The following CFAP20DC variants were observed in gnomAD, a reference collection of about 807,000 sequenced individuals.
CFAP20DC encodes the protein protein CFAP20DC.
CFAP20DC carries 84 observed loss-of-function variants against 101.7 expected under a neutral mutation model. That is an observed-to-expected ratio of 0.83 (90% CI 0.69 to 0.99). The LOEUF (loss-of-function observed/expected upper bound fraction) is 0.99. Among genes scored for constraint, CFAP20DC ranks in the 50% least tolerant of loss-of-function variants. The pLI, the probability that CFAP20DC is intolerant of heterozygous loss-of-function variation, is 0.00. For missense variants in CFAP20DC, 1,007 were observed against 970.3 expected (o/e 1.04, Z -0.50); for synonymous variants, 359 against 351.2 (o/e 1.02, Z -0.25).
At chr3:58,815,916 T>C (rs1166430697) in intron 14 of CFAP20DC, among the ~76,000 whole-genome samples, 1 of 151,602 alleles carries the variant, frequency 6.6e-6, no homozygotes. Context: ...TTGCTGGGAC[T>C]GTAAACTAGT....
chr3:59,022,147 AT>A (rs2093814175), intron 4 of CFAP20DC, among the ~76,000 whole-genome samples: 1 of 152,054 alleles, frequency 6.6e-6, no homozygotes, highest in South Asian at 2.1e-4. Flanking sequence ...AAATAAATTC[AT>A]TTTTTAAAAG....
intron 4 of CFAP20DC, among the ~76,000 whole-genome samples, chr3:58,995,390 A>C (rs2108668022): frequency 6.9e-6 from 1 of 144,800 alleles, no homozygotes; most frequent in African/African-American, 2.5e-5. Flanking sequence ...AAAAAAAAAA[A>C]CACTATTTGT....
At chr3:59,037,553 G>C (rs528104748) in intron 4 of CFAP20DC, among the ~76,000 whole-genome samples, 1 of 152,238 alleles carries the variant, frequency 6.6e-6, no homozygotes, top group Non-Finnish European at 1.5e-5. Flanking sequence ...CTGGTCTTGA[G>C]AGAAATGCAA....
In CFAP20DC at chr3:58,913,800, T is replaced by C. The variant is rs1181809211; in HGVS notation, c.458A>G (p.Gln153Arg). ...TSEIFKGAVF[Q>R]SLDGIVVSAN... ...TGAGACAACAATTCCATCCAATGAC[T>C]GGAAAACTGCCCCCTTGAATATTTC... The change falls in exon 6 of 17, where the codon CAG (glutamine) becomes CGG (arginine). Residue 153 changes from glutamine to arginine, a missense_variant. Coordinates refer to ENST00000482387, the MANE Select transcript of CFAP20DC (RefSeq NM_001394063.1). The surrounding 1 kb of genome is among the most constrained non-coding windows in gnomAD (Gnocchi z 4.4). 2 of 1,613,614 alleles carry C rather than the reference T, an allele frequency of 1.2e-6. No individual in the cohort carries two copies. Among genetic ancestry groups the C allele is most frequent in the Non-Finnish European group, 1.7e-6 (2 of 1,179,794 alleles).
At chr3:58,842,232 T>C (rs1178068246) in intron 13 of CFAP20DC, among the ~76,000 whole-genome samples, 1 of 152,122 alleles carries the variant, frequency 6.6e-6, no homozygotes, top group Non-Finnish European at 1.5e-5. Context: ...ACGGGTGATT[T>C]CTGCATTTCC....
chr3:58,953,838 A>T (rs2090378793), intron 4 of CFAP20DC: 1 of 152,208 alleles, frequency 6.6e-6, no homozygotes, highest in African/African-American at 2.4e-5. Flanking sequence ...AAGAAGAAAG[A>T]GACAAGTAAC....
At chr3:59,042,187 A>G (rs1560041273) in intron 3 of CFAP20DC, among the ~76,000 whole-genome samples, 1 of 152,060 alleles carries the variant, frequency 6.6e-6, no homozygotes, top group Admixed American at 6.6e-5. Context: ...CGTTGCTGGC[A>G]GAGGGAGTAC....
intron 7 of CFAP20DC, among the ~76,000 whole-genome samples, chr3:58,871,485 G>T (rs1034534499): frequency 1.3e-5 from 2 of 151,540 alleles, no homozygotes; most frequent in Non-Finnish European, 2.9e-5. Context: ...ACATTTCTGA[G>T]CATACCCTGT....
At chr3:58,833,342 T>C (rs938519796) in intron 13 of CFAP20DC, among the ~76,000 whole-genome samples, 5 of 152,122 alleles carry the variant, frequency 3.3e-5, no homozygotes, top group African/African-American at 7.2e-5. Context: ...TTCAGAGTTC[T>C]TGGGCCAAAA....
intron 14 of CFAP20DC, among the ~76,000 whole-genome samples, chr3:58,828,141 G>A (rs1484305490): frequency 1.3e-5 from 2 of 152,138 alleles, no homozygotes; most frequent in Non-Finnish European, 2.9e-5. Flanking sequence ...GGGGGCTCCT[G>A]TATGCCAAGG....
chr3:58,987,853 A>G (rs2092803220), intron 4 of CFAP20DC, among the ~76,000 whole-genome samples: 1 of 151,984 alleles, frequency 6.6e-6, no homozygotes. Context: ...ATCCACTAAA[A>G]AGCACCAGGT....
chr3:58,806,711 T>A (rs1046810275), intron 14 of CFAP20DC, among the ~76,000 whole-genome samples: 1 of 152,080 alleles, frequency 6.6e-6, no homozygotes. Context: ...TGCCAGATAG[T>A]GGGTGCAGGA....
chr3:58,937,850 C>G, intron 4 of CFAP20DC, 88 bp from the exon 5 acceptor site: 1 of 731,044 alleles, frequency 1.4e-6, no homozygotes, highest in Non-Finnish European at 2.3e-6. Context: ...TATAATTTAT[C>G]ATACAGACCC....
At chr3:58,723,183 G>A (rs1048288008) in intron 3 of CFAP20DC, among the ~76,000 whole-genome samples, 2 of 152,204 alleles carry the variant, frequency 1.3e-5, no homozygotes, top group Non-Finnish European at 2.9e-5. Context: ...CACTTCAGGT[G>A]GTAAAACTGT....
At chr3:58,773,415 G>GA (rs72252717) in intron 15 of CFAP20DC, among the ~76,000 whole-genome samples, 10,888 of 150,068 alleles carry the variant, frequency 0.073, 677 homozygotes, top group East Asian at 0.35. Flanking sequence ...AAAAGAAAAA[G>GA]AAAAAAAAGT....
intron 2 of CFAP20DC, among the ~76,000 whole-genome samples, chr3:59,046,762 T>C (rs1464176282): frequency 6.6e-6 from 1 of 152,156 alleles, no homozygotes; most frequent in Non-Finnish European, 1.5e-5. Context: ...AGGGACATTT[T>C]AATGTCTCAG....
chr3:58,819,834 A>G (rs1697250452), intron 14 of CFAP20DC, among the ~76,000 whole-genome samples: 1 of 149,140 alleles, frequency 6.7e-6, no homozygotes, highest in African/African-American at 2.5e-5. Context: ...GCAGAGACAC[A>G]GCCAAAAAAG....
chr3:58,735,188 C>T (rs561121677), intron 3 of CFAP20DC, among the ~76,000 whole-genome samples: 1 of 152,188 alleles, frequency 6.6e-6, no homozygotes, highest in Non-Finnish European at 1.5e-5. Flanking sequence ...ATCATTTTCA[C>T]GTGGTCACTT....
intron 15 of CFAP20DC, among the ~76,000 whole-genome samples, chr3:58,763,566 T>C (rs1280431490): frequency 1.3e-5 from 2 of 152,246 alleles, no homozygotes; most frequent in African/African-American, 4.8e-5. Flanking sequence ...TCCAGCTTTG[T>C]TCCGTTGCTG....
Sources: allele counts gnomAD v4.1 joint callset (sites outside exome capture counted in the v4.1 genomes callset), GRCh38; gene constraint gnomAD v4.1.1; non-coding constraint Gnocchi (gnomAD v3.1); transcripts MANE v1.5; gene names NCBI Gene and HGNC (gene_info 2026-07-23, HGNC 2026-07-21).